The following SFMBT1 variants were observed in gnomAD, a reference collection of about 807,000 sequenced individuals.
SFMBT1 encodes scm-like with four MBT domains protein 1.
In SFMBT1, 32 loss-of-function variants were observed where a neutral mutation model predicts 108.7. That is an observed-to-expected ratio of 0.29 (90% CI 0.22 to 0.40). SFMBT1 has a LOEUF of 0.40. SFMBT1 is among the 10% of genes least tolerant of loss of function. SFMBT1 has a pLI of 1.00. For missense variants in SFMBT1, 816 were observed against 1,059.6 expected (o/e 0.77, Z 3.19); for synonymous variants, 348 against 369.5 (o/e 0.94, Z 0.67).
intron 2 of SFMBT1, among the ~76,000 whole-genome samples, chr3:52,964,929 A>G (rs1377662840): frequency 6.6e-6 from 1 of 152,202 alleles, no homozygotes; most frequent in Non-Finnish European, 1.5e-5. Flanking sequence ...TATTTAACAC[A>G]AAGGAAAAAT....
At chr3:52,947,421 T>C (rs1703409100) in intron 3 of SFMBT1, among the ~76,000 whole-genome samples, 1 of 152,104 alleles carries the variant, frequency 6.6e-6, no homozygotes, top group East Asian at 1.9e-4. Flanking sequence ...CCAGCCCCTT[T>C]TTTCACTTTT....
chr3:52,961,675 G>A (rs1703965139), intron 2 of SFMBT1, among the ~76,000 whole-genome samples: 2 of 152,174 alleles, frequency 1.3e-5, no homozygotes, highest in Admixed American at 1.3e-4. Context: ...GCACATGATT[G>A]TTTGTTGTAG....
chr3:52,938,656 A>G (rs2106807469), intron 4 of SFMBT1, among the ~76,000 whole-genome samples: 1 of 151,228 alleles, frequency 6.6e-6, no homozygotes, highest in African/African-American at 2.4e-5. Context: ...TTTTTAAGAC[A>G]ATTAGTGGGC....
rs774295082 is a variant in SFMBT1 at position 52,911,149 on chromosome 3, A to G, written c.1760T>C (p.Val587Ala). The G allele has an allele frequency of 6.2e-7, 1 of 1,612,962 alleles. No individual in the cohort carries two copies. Among genetic ancestry groups the G allele is most frequent in the Non-Finnish European group, 8.5e-7 (1 of 1,179,510 alleles). Residue 587 changes from valine to alanine, a missense_variant, in exon 17 of 21, where the codon GTT (valine) becomes GCT (alanine). Around this residue, in one of 5 missense-constraint regions of SFMBT1, gnomAD observed 79 missense variants for 120.8 expected, o/e 0.65. Coordinates refer to ENST00000394752, the MANE Select transcript of SFMBT1 (RefSeq NM_016329.4). ...KYKGKSYRAT[V>A]EIVKTADRVT... is the part of the protein sequence containing the mutation. ...CCGATCTGCTGTTTTCACTATCTCA[A>G]CAGTAGCCCGATAACTCTTTCCTTT...
chr3:52,948,906 C>T (rs1226695406), intron 3 of SFMBT1, among the ~76,000 whole-genome samples: 2 of 5,968 alleles, frequency 3.4e-4, no homozygotes, highest in Admixed American at 9.8e-3. Context: ...TCAAGCAATT[C>T]TCCCACCTTG....
chr3:52,954,830 G>T (rs1383974107), intron 2 of SFMBT1, among the ~76,000 whole-genome samples: 1 of 148,354 alleles, frequency 6.7e-6, no homozygotes, highest in Non-Finnish European at 1.5e-5. Context: ...CAGAGTGAAA[G>T]ATACTCCTAG....
At chr3:53,036,785 C>A (rs754479300) in intron 1 of SFMBT1, among the ~76,000 whole-genome samples, 21 of 152,200 alleles carry the variant, frequency 1.4e-4, no homozygotes, top group Non-Finnish European at 2.1e-4. Flanking sequence ...TTCTGGAGAA[C>A]CTGAATTCTC....
chr3:52,956,232 C>G (rs1214889363), intron 2 of SFMBT1, among the ~76,000 whole-genome samples: 5 of 152,172 alleles, frequency 3.3e-5, no homozygotes, highest in Non-Finnish European at 7.3e-5. Flanking sequence ...GAGACCGCGG[C>G]AGGCAGATCA....
At chr3:53,009,590 A>C (rs2106926128) in intron 1 of SFMBT1, among the ~76,000 whole-genome samples, 1 of 152,284 alleles carries the variant, frequency 6.6e-6, no homozygotes, top group South Asian at 2.1e-4. Context: ...CACATGAATC[A>C]CTTATTCATT....
At chr3:53,014,354 C>G (rs1699053599) in intron 1 of SFMBT1, among the ~76,000 whole-genome samples, 1 of 152,080 alleles carries the variant, frequency 6.6e-6, no homozygotes, top group South Asian at 2.1e-4. Context: ...CCTGTAATGC[C>G]AGCACTTTGG....
At chr3:52,958,595 A>T (rs1459528010) in intron 2 of SFMBT1, among the ~76,000 whole-genome samples, 1 of 149,986 alleles carries the variant, frequency 6.7e-6, no homozygotes, top group Non-Finnish European at 1.5e-5. Context: ...TGTCTCAAAA[A>T]AAATAAATTA....
At position 53,024,362 on chromosome 3, in the gene SFMBT1, G is replaced by A. The variant is rs188886839; in HGVS notation, c.-131+21454C>T. Among the ~76,000 whole-genome samples, 714 of 152,296 alleles carry A rather than the reference G, an allele frequency of 4.7e-3. 7 individuals carry two copies. The highest frequency in any genetic ancestry group is 8.0e-3 in the Non-Finnish European group (545 of 68,026). On this transcript the variant is annotated intron_variant, in intron 1 of 20. Transcript: ENST00000394752. Reference sequence around the variant, plus strand: ...TAACTGTAGGAAGAGCATTCCAGGCGAGGGAAGATATGTCCAAGAGTCCTA... The same window carrying A: ...TAACTGTAGGAAGAGCATTCCAGGCAAGGGAAGATATGTCCAAGAGTCCTA...
At chr3:52,976,726 T>C (rs36090694) in intron 1 of SFMBT1, among the ~76,000 whole-genome samples, 11,483 of 152,264 alleles carry the variant, frequency 0.075, 471 homozygotes, top group Non-Finnish European at 0.094. Flanking sequence ...AAAATATTAA[T>C]AGCCATAATA....
intron 2 of SFMBT1, among the ~76,000 whole-genome samples, chr3:52,961,837 A>G (rs1387211894): frequency 3.3e-5 from 5 of 152,198 alleles, no homozygotes; most frequent in African/African-American, 1.2e-4. Context: ...CGTGGCCCTT[A>G]GCAAGGACTC....
chr3:52,984,814 T>C (rs539997341), intron 1 of SFMBT1, among the ~76,000 whole-genome samples: 8 of 151,268 alleles, frequency 5.3e-5, no homozygotes, highest in Non-Finnish European at 1.2e-4. Flanking sequence ...TTTGGAAATA[T>C]CAGGCTGACC....
At position 53,004,362 on chromosome 3, in the gene SFMBT1, T is replaced by C. The variant is rs769603542; in HGVS notation, c.-130-35104A>G. Reference sequence around the variant, plus strand: ...ATCTCAGCTCACTGAAAGCTCTACCTCCTGGGTTCAAGCGATTCTCCTGCC... The same window carrying C: ...ATCTCAGCTCACTGAAAGCTCTACCCCCTGGGTTCAAGCGATTCTCCTGCC... On this transcript the variant is annotated intron_variant, in intron 1 of 20. Coordinates refer to ENST00000394752, the MANE Select transcript of SFMBT1 (RefSeq NM_016329.4). Among the ~76,000 whole-genome samples, 27 of 149,258 alleles carry C rather than the reference T, an allele frequency of 1.8e-4. 3 individuals carry two copies. Among genetic ancestry groups the C allele is most frequent in the Non-Finnish European group, 3.0e-4 (20 of 66,598 alleles).
intron 2 of SFMBT1, among the ~76,000 whole-genome samples, chr3:52,961,816 G>A (rs1703968252): frequency 6.6e-6 from 1 of 152,068 alleles, no homozygotes; most frequent in Admixed American, 6.5e-5. Flanking sequence ...AACTTAACAA[G>A]GCTGGGCATT....
intron 1 of SFMBT1, chr3:53,043,133 T>C (rs1168941913): frequency 1.3e-5 from 2 of 152,232 alleles, no homozygotes; most frequent in Admixed American, 6.5e-5. Context: ...AGAATTCACT[T>C]ACAACATCTA....
chr3:52,986,138 G>A (rs577668880), intron 1 of SFMBT1, among the ~76,000 whole-genome samples: 137 of 105,894 alleles, frequency 1.3e-3, no homozygotes, highest in Non-Finnish European at 2.1e-3. Context: ...GTGAGACTCC[G>A]TCTCAGGAAA....
Sources: allele counts gnomAD v4.1 joint callset (sites outside exome capture counted in the v4.1 genomes callset), GRCh38; gene constraint gnomAD v4.1.1; regional missense constraint gnomAD v4.1.1; transcripts MANE v1.5; gene names NCBI Gene and HGNC (gene_info 2026-07-23, HGNC 2026-07-21).